MGMT: variants seen among roughly 807,000 people sequenced by gnomAD.
The protein encoded by MGMT is O-6-methylguanine-DNA methyltransferase.
MGMT carries 14 observed loss-of-function variants against 15.9 expected under a neutral mutation model. The observed-to-expected ratio is 0.88, with a 90% CI of 0.58 to 1.37. The LOEUF is 1.37. Ranked by LOEUF, MGMT falls within the 40% of genes most tolerant of loss-of-function variation. MGMT has a pLI of 0.00. For missense variants in MGMT, 282 were observed against 268.1 expected, an observed-to-expected ratio of 1.05 and a Z score of -0.36; for synonymous variants, 130 against 118.2, an observed-to-expected ratio of 1.10 and a Z score of -0.65.
chr10:129,568,684 A>G (rs1009682766), intron 2 of MGMT, among the ~76,000 whole-genome samples: 3 of 152,148 alleles, frequency 2.0e-5, no homozygotes, highest in African/African-American at 7.2e-5. Flanking sequence ...AGATGATTTC[A>G]TTGAGTTCCT....
chr10:129,508,516 CTTTCT>C (rs1485229282), intron 1 of MGMT, among the ~76,000 whole-genome samples: 21 of 123,824 alleles, frequency 1.7e-4, no homozygotes, highest in Admixed American at 7.8e-4. Flanking sequence ...ATTTTTCTTT[CTTTCT>C]TTTTTTTTTT....
At chr10:129,735,548 GTC>G (rs1167802712) in intron 3 of MGMT, among the ~76,000 whole-genome samples, 3 of 151,268 alleles carry the variant, frequency 2.0e-5, no homozygotes, top group Non-Finnish European at 4.4e-5. Flanking sequence ...GGTTTTTTGT[GTC>G]TCTATTTCCT....
At chr10:129,642,291 C>T (rs1159238915) in intron 2 of MGMT, among the ~76,000 whole-genome samples, 1 of 152,102 alleles carries the variant, frequency 6.6e-6, no homozygotes. Context: ...ATGGACAGTC[C>T]CATTGCCCCA....
intron 2 of MGMT, among the ~76,000 whole-genome samples, chr10:129,678,987 C>T (rs1033048272): frequency 3.3e-5 from 5 of 151,498 alleles, no homozygotes; most frequent in Admixed American, 2.6e-4. Context: ...GTGGGAGGAT[C>T]GCTTGAACCC....
At chr10:129,697,460 T>A (rs1489125415) in intron 2 of MGMT, among the ~76,000 whole-genome samples, 1 of 151,956 alleles carries the variant, frequency 6.6e-6, no homozygotes, top group Non-Finnish European at 1.5e-5. Context: ...ATGCGTTTGG[T>A]AAGTTGTTAT....
chr10:129,471,039 C>T (rs529880822), intron 1 of MGMT, among the ~76,000 whole-genome samples: 2 of 152,326 alleles, frequency 1.3e-5, no homozygotes, highest in African/African-American at 4.8e-5. Flanking sequence ...TCCCACCCAG[C>T]CCTGCCGCCC....
chr10:129,599,596 C>T (rs1243183500), intron 2 of MGMT, among the ~76,000 whole-genome samples: 5 of 152,186 alleles, frequency 3.3e-5, no homozygotes, highest in Non-Finnish European at 5.9e-5. Context: ...TCCTTCCCCC[C>T]TCAAAAATTA....
At chr10:129,486,081 G>T (rs569977017) in intron 1 of MGMT, among the ~76,000 whole-genome samples, 1 of 152,016 alleles carries the variant, frequency 6.6e-6, no homozygotes, top group East Asian at 1.9e-4. Context: ...TTTTCTCATG[G>T]AAACAGAGTT....
chr10:129,758,668 C>T (rs1589979288), intron 3 of MGMT, among the ~76,000 whole-genome samples: 2 of 152,212 alleles, frequency 1.3e-5, no homozygotes, highest in African/African-American at 2.4e-5. Context: ...TCACCGCCAG[C>T]CCCTGCGTAC....
At chr10:129,618,385 A>C (rs577878847) in intron 2 of MGMT, among the ~76,000 whole-genome samples, 1 of 151,940 alleles carries the variant, frequency 6.6e-6, no homozygotes, top group South Asian at 2.1e-4. Flanking sequence ...CCTCATGCCA[A>C]CATGGCCCCG....
At chr10:129,721,103 AAGG>A (rs1307402737) in intron 3 of MGMT, among the ~76,000 whole-genome samples, 1 of 152,130 alleles carries the variant, frequency 6.6e-6, no homozygotes, top group African/African-American at 2.4e-5. Flanking sequence ...ACTTTGGACA[AAGG>A]AGTATTCAAA....
At position 129,473,684 on chromosome 10, in the gene MGMT, A is replaced by T. The variant is rs185464271; in HGVS notation, c.-13+6388A>T. On this transcript the variant is annotated intron_variant, in intron 1 of 4. Coordinates refer to ENST00000651593, the MANE Select transcript of MGMT (RefSeq NM_002412.5). ...CAGACACAGACCTGTTTATGTAGCT[A>T]ATGTTTTCTGAACATCAATGTGACC... Among the ~76,000 whole-genome samples, 213 of 152,322 alleles carry T rather than the reference A, an allele frequency of 1.4e-3. 6 individuals are homozygous for T. Among genetic ancestry groups the T allele is most frequent in the South Asian group, 0.013 (62 of 4,830 alleles).
At chr10:129,479,045 T>C (rs948119277) in intron 1 of MGMT, among the ~76,000 whole-genome samples, 1 of 152,240 alleles carries the variant, frequency 6.6e-6, no homozygotes, top group African/African-American at 2.4e-5. Context: ...CGTGATTTCT[T>C]ACATTTCGTA....
intron 2 of MGMT, among the ~76,000 whole-genome samples, chr10:129,677,718 A>G (rs1847801309): frequency 6.6e-6 from 1 of 152,200 alleles, no homozygotes; most frequent in Admixed American, 6.5e-5. Flanking sequence ...GGGAGGAGGT[A>G]CTGGCTGTGA....
chr10:129,494,480 T>G (rs149097441), intron 1 of MGMT, among the ~76,000 whole-genome samples: 5,716 of 152,222 alleles, frequency 0.038, 164 homozygotes, highest in South Asian at 0.066. Flanking sequence ...CTCATTACCT[T>G]CTGGGTCTCA....
At chr10:129,495,532 C>T (rs777927124) in intron 1 of MGMT, among the ~76,000 whole-genome samples, 17 of 152,146 alleles carry the variant, frequency 1.1e-4, no homozygotes, top group Non-Finnish European at 1.8e-4. Context: ...CACTGATGAT[C>T]GATGGACTGC....
In MGMT at chr10:129,507,636, A is replaced by T. The variant is rs552518807; in HGVS notation, c.-12-28605A>T. Among the ~76,000 whole-genome samples, 3 of 152,066 alleles carry T rather than the reference A, an allele frequency of 2.0e-5. No homozygotes were observed. In the South Asian group the frequency reaches 6.2e-4, roughly 32 times the overall value. ...TGAGAGTGGGCCGGAGGAGATGGGG[A>T]TTTATGAGCTGAGCTGTGGGAAGCA... On this transcript the variant is annotated intron_variant, in intron 1 of 4. Coordinates refer to ENST00000651593, the MANE Select transcript of MGMT (RefSeq NM_002412.5).
At chr10:129,555,468 T>C (rs772773184) in intron 2 of MGMT, among the ~76,000 whole-genome samples, 1 of 152,166 alleles carries the variant, frequency 6.6e-6, no homozygotes, top group East Asian at 1.9e-4. Flanking sequence ...CCCAGCACTT[T>C]GGGAGGCCAA....
chr10:129,674,701 G>A (rs577324923), intron 2 of MGMT, among the ~76,000 whole-genome samples: 13 of 152,384 alleles, frequency 8.5e-5, no homozygotes, highest in African/African-American at 3.1e-4. Context: ...GCAGCCTGGG[G>A]GAGGTGGAGT....
Sources: gnomAD v4.1 joint callset for allele counts (sites outside exome capture counted in the v4.1 genomes callset) on GRCh38, gnomAD v4.1.1 for gene constraint, MANE v1.5 for transcripts, NCBI Gene and HGNC (gene_info 2026-07-23, HGNC 2026-07-21) for gene names.